SYCE1L: variants seen among roughly 807,000 people sequenced by gnomAD.
SYCE1L encodes synaptonemal complex central element protein 1 like.
SYCE1L carries 51 observed loss-of-function variants against 39.6 expected under a neutral mutation model. The observed-to-expected ratio is 1.29, with a 90% CI of 1.03 to 1.63. The LOEUF (loss-of-function observed/expected upper bound fraction) is 1.63, where lower values mean the gene tolerates loss of function less well. SYCE1L is among the 40% of genes most tolerant of loss of function. SYCE1L has a pLI of 0.00. For missense variants in SYCE1L, 426 were observed against 304.9 expected (o/e 1.40, Z -2.96); for synonymous variants, 147 against 122.4 (o/e 1.20, Z -1.33).
chr16:77,208,739 A>C (rs1236150935), intron 4 of SYCE1L, among the ~76,000 whole-genome samples, 200 bp downstream of exon 4: 1 of 152,210 alleles, frequency 6.6e-6, no homozygotes, highest in Non-Finnish European at 1.5e-5. Context: ...TCATCTAAGA[A>C]TAGAATCCCG....
chr16:77,202,064 T>A (rs2054749162), intron 1 of SYCE1L: 1 of 152,174 alleles, frequency 6.6e-6, no homozygotes. Flanking sequence ...TATTTTTTCT[T>A]CTAGAAAAAT....
chr16:77,212,048 C>A, intron 7 of SYCE1L, 82 bp from the exon 8 acceptor site: 2 of 1,431,320 alleles, frequency 1.4e-6, no homozygotes, highest in Non-Finnish European at 1.9e-6. Context: ...GTGAAGACTT[C>A]GCGAGAAGCA....
chr16:77,211,199 G>A lies in SYCE1L; in HGVS notation c.360-14G>A, dbSNP rs371963213. 3.2e-6 allele frequency: 5 copies of A among 1,551,766 alleles called. No individual in the cohort carries two copies. In the Admixed American group the frequency reaches 5.9e-5, roughly 18 times the overall value. On this transcript the variant is annotated splice_polypyrimidine_tract_variant and intron_variant, in intron 6 of 10. Transcript: ENST00000378644. ...CTAGCATGTGTTCTCTTATTCCTGG[G>A]TGTCGGCCTCCAGGTTGGATGTCAG...
At position 77,213,144 on chromosome 16, in the gene SYCE1L, C is replaced by A. The variant is rs569644940; in HGVS notation, c.*213C>A. On this transcript the variant is annotated 3_prime_UTR_variant, in exon 11 of 11. Coordinates refer to ENST00000378644, the MANE Select transcript of SYCE1L (RefSeq NM_001129979.3). ...CAGAGGCTGGGTAAATGCTCCTGAA[C>A]TCAGAGAGAGTAAGTGGGTGTCAGT... is the stretch of plus-strand genomic sequence containing the variant. The A allele has an allele frequency of 2.3e-5, 10 of 431,018 alleles. No homozygotes were observed. In the South Asian group the frequency reaches 7.1e-4, roughly 31 times the overall value. The allele number at this position is 431,018 out of a possible 1,614,324, so 26.7% of individuals were successfully genotyped here.
At chr16:77,212,699 A>G in intron 10 of SYCE1L, 53 bp downstream of exon 10, 1 of 1,470,050 alleles carries the variant, frequency 6.8e-7, no homozygotes, top group Non-Finnish European at 9.0e-7. Context: ...GTCAGGAGAG[A>G]GCGGGCGGGG....
chr16:77,211,356 C>G, intron 7 of SYCE1L, 80 bp downstream of exon 7: 3 of 1,492,024 alleles, frequency 2.0e-6, no homozygotes, highest in South Asian at 1.2e-5. Context: ...GAGTCCACCC[C>G]TGCCCAGGCT....
chr16:77,205,778 A>T (rs1227848282), intron 1 of SYCE1L, among the ~76,000 whole-genome samples: 1 of 152,116 alleles, frequency 6.6e-6, no homozygotes, highest in Non-Finnish European at 1.5e-5. Context: ...TTTTTGAGGC[A>T]AAAATCCTTC....
At chr16:77,204,706 C>G (rs2054772985) in intron 1 of SYCE1L, among the ~76,000 whole-genome samples, 5 of 152,088 alleles carry the variant, frequency 3.3e-5, no homozygotes, top group Admixed American at 3.3e-4. Flanking sequence ...ATGAAAAATA[C>G]AAGATGGGGT....
chr16:77,203,466 C>CA (rs56277205), intron 1 of SYCE1L, among the ~76,000 whole-genome samples: 37 of 151,204 alleles, frequency 2.4e-4, no homozygotes, highest in Admixed American at 1.7e-3. Context: ...CCAAATATTT[C>CA]AAAAAAAAAT....
intron 1 of SYCE1L, among the ~76,000 whole-genome samples, chr16:77,204,292 T>G (rs2142513545): frequency 6.6e-6 from 1 of 152,298 alleles, no homozygotes; most frequent in Admixed American, 6.5e-5. Context: ...TAGGTTAAAT[T>G]GTGTCCCTCC....
intron 5 of SYCE1L, 127 bp downstream of exon 5, chr16:77,209,271 C>G: frequency 7.5e-7 from 1 of 1,339,606 alleles, no homozygotes; most frequent in East Asian, 2.5e-5. Flanking sequence ...GCACAGATCT[C>G]TTCCTGGATT....
Position 77,212,307 on chromosome 16 carries a change from G to T in SYCE1L, c.519G>T (p.Arg173=). ...GGAGGCTGGTGCGCGCCAAGCTGCG[G>T]GAGGTGGAGCGGCGGCTGCACTCGC... ...SERRLVRAKL[R]EVERRLHSPP... Residue 173 remains arginine, a synonymous_variant, in exon 9 of 11, where the codon CGG becomes CGT. Transcript: ENST00000378644. 1.3e-6 allele frequency: 2 copies of T among 1,525,764 alleles called. No homozygotes were observed. Among genetic ancestry groups the T allele is most frequent in the Non-Finnish European group, 1.8e-6 (2 of 1,137,724 alleles). The allele number at this position is 1,525,764 out of a possible 1,614,324, so 94.5% of individuals were successfully genotyped here.
chr16:77,199,423 A>G lies in SYCE1L; in HGVS notation c.-29A>G, dbSNP rs2054704300. On this transcript the variant is annotated 5_prime_UTR_variant, in exon 1 of 11. Coordinates refer to ENST00000378644, the MANE Select transcript of SYCE1L (RefSeq NM_001129979.3). Reference sequence around the variant, plus strand: ...TTCTTTTTTAACCAGTCATCAAGCGAGGCTCGCGCGCAGGCCCCGCGTTGG... The same window carrying G: ...TTCTTTTTTAACCAGTCATCAAGCGGGGCTCGCGCGCAGGCCCCGCGTTGG... 1 of 1,550,448 alleles carries G rather than the reference A, an allele frequency of 6.4e-7. No individual in the cohort carries two copies. The highest frequency in any genetic ancestry group is 2.0e-5 in the Admixed American group (1 of 50,924).
At position 77,209,464 on chromosome 16, in the gene SYCE1L, G is replaced by T; in HGVS notation, c.352G>T (p.Ala118Ser). Residue 118 changes from alanine (A) to serine (S), a missense_variant, in exon 6 of 11, where the codon GCT becomes TCT. By Grantham distance (99) the Ala-to-Ser change is moderately conservative. Transcript: ENST00000378644. ...QMHCQEKESEAQRLDVRGQLE... is the reference protein window; with the variant it reads ...QMHCQEKESESQRLDVRGQLE... ...GCACTGCCAAGAGAAGGAAAGCGAG[G>T]CTCAGAGGTAAGAGGCCCTGCCTCA... The T allele has an allele frequency of 6.4e-7, 1 of 1,551,732 alleles. No homozygotes were observed. The highest frequency in any genetic ancestry group is 8.7e-7 in the Non-Finnish European group (1 of 1,147,012).
At position 77,212,864 on chromosome 16, in the gene SYCE1L, C is replaced by A; in HGVS notation, c.662C>A (p.Pro221His). ...EVGAGEGEAG[P>H]ELPRARDEED... is the part of the protein sequence containing the mutation. ...TCACCCAGCCCCCGGCAGGCCGGACCTGAGCTCCCCCGCGCTCGCGACGAG... is the reference window on the plus strand; with the variant it reads ...TCACCCAGCCCCCGGCAGGCCGGACATGAGCTCCCCCGCGCTCGCGACGAG... Residue 221 changes from proline to histidine, a missense_variant, in exon 11 of 11, where the codon CCT (proline) becomes CAT (histidine). Coordinates refer to ENST00000378644, the MANE Select transcript of SYCE1L (RefSeq NM_001129979.3). The A allele has an allele frequency of 6.6e-7, 1 of 1,517,434 alleles. No individual in the cohort carries two copies. The allele number at this position is 1,517,434 out of a possible 1,614,324, so 94.0% of individuals were successfully genotyped here. A position where few individuals can be genotyped will look rare whatever the true frequency, so the allele number is the denominator to read the frequency against.
chr16:77,212,489 T>A, intron 9 of SYCE1L, 85 bp from the exon 10 acceptor site: 1 of 1,537,534 alleles, frequency 6.5e-7, no homozygotes, highest in Non-Finnish European at 8.7e-7. Context: ...CTCGGCGTCG[T>A]CGGGTCTCCG....
At chr16:77,209,977 C>T (rs1488982624) in intron 6 of SYCE1L, among the ~76,000 whole-genome samples, 1 of 152,216 alleles carries the variant, frequency 6.6e-6, no homozygotes, top group East Asian at 1.9e-4. Flanking sequence ...TTCTTTCCAT[C>T]ATATATTCAC....
Position 77,208,595 on chromosome 16 carries a change from T to C in SYCE1L, c.256+56T>C. ...CACTGCAGATGTTCCTGTGCATACC[T>C]CAGGGCCTTTGCACAGGCTGCTCCC... On this transcript the variant is annotated intron_variant, in intron 4 of 10. Coordinates refer to ENST00000378644, the MANE Select transcript of SYCE1L (RefSeq NM_001129979.3). 3 of 1,503,842 alleles carry C rather than the reference T, an allele frequency of 2.0e-6. No homozygotes were observed. In the Admixed American group the frequency reaches 6.0e-5, roughly 30 times the overall value. 93.2% of individuals were successfully genotyped at this position (1,503,842 alleles called of 1,614,324 possible).
At position 77,213,102 on chromosome 16, in the gene SYCE1L, G is replaced by A; in HGVS notation, c.*171G>A. ...CTCTGCCGGACCCCTCCCACCAGTC[G>A]AGCCCCGGGCGCCGTACAGAGGCTG... is the stretch of plus-strand genomic sequence containing the variant. On this transcript the variant is annotated 3_prime_UTR_variant, in exon 11 of 11. Coordinates refer to ENST00000378644, the MANE Select transcript of SYCE1L (RefSeq NM_001129979.3). 2 of 606,796 alleles carry A rather than the reference G, an allele frequency of 3.3e-6. No homozygotes were observed. Among genetic ancestry groups the A allele is most frequent in the Non-Finnish European group, 5.0e-6 (2 of 397,190 alleles). The allele number at this position is 606,796 out of a possible 1,614,324, so 37.6% of individuals were successfully genotyped here. A position where few individuals can be genotyped will look rare whatever the true frequency, so the allele number is the denominator to read the frequency against.
Sources: gnomAD v4.1 joint callset for allele counts (sites outside exome capture counted in the v4.1 genomes callset) on GRCh38, gnomAD v4.1.1 for gene constraint, MANE v1.5 for transcripts, NCBI Gene and HGNC (gene_info 2026-07-23, HGNC 2026-07-21) for gene names.